The following DMD variants were observed in gnomAD, a reference collection of about 807,000 sequenced individuals.
The protein encoded by DMD is mutant dystrophin.
DMD carries 63 observed loss-of-function variants against 330.1 expected under a neutral mutation model. The observed-to-expected ratio is 0.19, with a 90% CI of 0.16 to 0.24. The LOEUF (loss-of-function observed/expected upper bound fraction) is 0.24. Ranked by LOEUF, DMD falls within the 10% of genes least tolerant of loss-of-function variation. The pLI, the probability that DMD is intolerant of heterozygous loss-of-function variation, is 1.00. For missense variants in DMD, 3,344 were observed against 2,684.1 expected (o/e 1.25, Z -5.43); for synonymous variants, 1,223 against 959.8 (o/e 1.27, Z -5.07).
intron 1 of DMD, among the ~76,000 whole-genome samples, chrX:33,026,370 T>C: frequency 2.5e-5 from 2 of 80,800 alleles, no homozygotes; most frequent in Admixed American, 2.7e-4. Context: ...AATAAAGAAC[T>C]ATGAAGTAAT....
At chrX:32,165,894 T>C (rs2147299140) in intron 44 of DMD, among the ~76,000 whole-genome samples, 1 of 111,204 alleles carries the variant, frequency 9.0e-6, no homozygotes, top group South Asian at 3.9e-4. Flanking sequence ...TATAAGGGTC[T>C]CTTCCCCCTT....
At chrX:32,838,050 C>T (rs1388999245) in intron 4 of DMD, among the ~76,000 whole-genome samples, 3 of 111,752 alleles carry the variant, frequency 2.7e-5, no homozygotes, top group East Asian at 2.8e-4. Flanking sequence ...TACTCTCAAT[C>T]TTTTGCTGTT....
intron 2 of DMD, among the ~76,000 whole-genome samples, chrX:32,880,463 C>A (rs767310754): frequency 9.0e-6 from 1 of 111,469 alleles, no homozygotes; most frequent in Non-Finnish European, 1.9e-5. Context: ...AACCCCAATA[C>A]AACCCTAGCC....
intron 47 of DMD, among the ~76,000 whole-genome samples, chrX:31,910,911 G>C (rs927550025): frequency 7.1e-5 from 8 of 112,151 alleles, no homozygotes; most frequent in Non-Finnish European, 1.1e-4. Context: ...ACAGGGGTTG[G>C]AAACCCAGGG....
intron 55 of DMD, among the ~76,000 whole-genome samples, chrX:31,565,667 T>C (rs2075427790): frequency 8.9e-6 from 1 of 111,797 alleles, no homozygotes; most frequent in Admixed American, 9.5e-5. Context: ...GGTAGCTGCA[T>C]GTTTAGTTTT....
intron 9 of DMD, among the ~76,000 whole-genome samples, chrX:32,657,837 G>A (rs760960157): frequency 1.8e-5 from 2 of 110,973 alleles, no homozygotes; most frequent in African/African-American, 3.3e-5. Flanking sequence ...TTTCAAATAC[G>A]TCTCATGGAA....
intron 2 of DMD, among the ~76,000 whole-genome samples, chrX:33,000,181 A>G (rs944889008): frequency 1.8e-5 from 2 of 111,646 alleles, no homozygotes; most frequent in African/African-American, 6.5e-5. Flanking sequence ...TACTAAACAT[A>G]CTTTAGTTTA....
At chrX:32,206,189 G>A (rs1005138240) in intron 44 of DMD, 5 of 508,100 alleles carry the variant, frequency 9.8e-6, no homozygotes, top group African/African-American at 2.3e-5. Flanking sequence ...TGGTCTTACG[G>A]TTGAAGTGTG....
At chrX:33,339,146 G>A in intron 1 of DMD, 5 of 838,478 alleles carry the variant, frequency 6.0e-6, no homozygotes, top group Non-Finnish European at 8.2e-6. Context: ...TGCAGAGTTT[G>A]AAGAGCTCGG....
intron 44 of DMD, among the ~76,000 whole-genome samples, chrX:32,194,894 T>C (rs1476745886): frequency 9.0e-6 from 1 of 111,602 alleles, no homozygotes; most frequent in African/African-American, 3.3e-5. Context: ...GATAAATCCA[T>C]GAGGGCCTTA....
chrX:32,292,299 A>ATTTTTTTTTTTTTTTTTTTTTTTTTTTTT (rs1355530949), intron 42 of DMD, among the ~76,000 whole-genome samples: 1 of 30,868 alleles, frequency 3.2e-5, no homozygotes, highest in African/African-American at 1.9e-4. Flanking sequence ...CAAAGGGAAT[A>ATTTTTTTTTTTTTTTTTTTTTTTTTTTTT]TTCTTTTTTT....
intron 43 of DMD, among the ~76,000 whole-genome samples, chrX:32,236,313 C>T (rs1305999130): frequency 8.9e-6 from 1 of 112,220 alleles, no homozygotes; most frequent in Non-Finnish European, 1.9e-5. Context: ...ACATGCCATC[C>T]TCAGTTTAAC....
At chrX:31,531,642 T>C (rs1360088123) in intron 55 of DMD, among the ~76,000 whole-genome samples, 1 of 105,915 alleles carries the variant, frequency 9.4e-6, no homozygotes, top group Non-Finnish European at 1.9e-5. Flanking sequence ...TTCACTCTGA[T>C]GGTAGTTTCT....
chrX:32,094,822 G>A (rs372070260), intron 44 of DMD, among the ~76,000 whole-genome samples: 1 of 111,659 alleles, frequency 9.0e-6, no homozygotes, highest in African/African-American at 3.3e-5. Flanking sequence ...TTCACAAAAC[G>A]ATGCTTAGTG....
intron 17 of DMD, among the ~76,000 whole-genome samples, chrX:32,526,543 G>T (rs946556695): frequency 2.7e-5 from 3 of 110,874 alleles, no homozygotes; most frequent in African/African-American, 9.8e-5. Context: ...AATATTCAGA[G>T]AGTGACAATT....
chrX:31,145,945 G>A (rs943689989), intron 76 of DMD, among the ~76,000 whole-genome samples: 1 of 112,100 alleles, frequency 8.9e-6, no homozygotes, highest in Non-Finnish European at 1.9e-5. Flanking sequence ...ACAGGCGTGA[G>A]CCTCCACGCC....
At chrX:31,322,038 A>G (rs779618240) in intron 62 of DMD, among the ~76,000 whole-genome samples, 1 of 111,940 alleles carries the variant, frequency 8.9e-6, no homozygotes, top group South Asian at 3.8e-4. Context: ...GTGAGCCCCA[A>G]ACAAGTAGTC....
intron 2 of DMD, among the ~76,000 whole-genome samples, chrX:33,009,121 T>TAC (rs1478823876): frequency 6.2e-5 from 3 of 48,079 alleles, no homozygotes; most frequent in East Asian, 9.7e-4. Context: ...TGTGTATATA[T>TAC]ACGTATATAT....
intron 2 of DMD, among the ~76,000 whole-genome samples, chrX:33,001,730 T>C: frequency 9.1e-6 from 1 of 110,124 alleles, no homozygotes; most frequent in Admixed American, 9.6e-5. Flanking sequence ...AAATAATTAA[T>C]ATGAATGAGA....
Sources: allele counts gnomAD v4.1 joint callset (sites outside exome capture counted in the v4.1 genomes callset), GRCh38; gene constraint gnomAD v4.1.1; transcripts MANE v1.5; gene names NCBI Gene and HGNC (gene_info 2026-07-23, HGNC 2026-07-21).